Variants in TTLL3 observed in about 807,000 individuals in gnomAD.
The protein encoded by TTLL3 is tubulin tyrosine ligase like 3.
Under a neutral mutation model 75.2 loss-of-function variants are expected in TTLL3, and 63 were observed. That is an observed-to-expected ratio of 0.84 (90% CI 0.68 to 1.03). TTLL3 has a LOEUF of 1.03. Among genes scored for constraint, TTLL3 ranks in the 50% least tolerant of loss-of-function variants. The pLI is 0.00. For synonymous variants in TTLL3, 393 were observed against 418.5 expected (o/e 0.94, Z 0.74); for missense variants, 997 against 1,069.9 (o/e 0.93, Z 0.95).
At chr3:9,811,563 C>G (rs755962984) in intron 2 of TTLL3, among the ~76,000 whole-genome samples, 1 of 152,248 alleles carries the variant, frequency 6.6e-6, no homozygotes, top group African/African-American at 2.4e-5. Context: ...ATGACAGCCT[C>G]CTAGCTGGTC....
intron 8 of TTLL3, 107 bp from the exon 9 acceptor site, chr3:9,825,693 A>C: frequency 5.6e-6 from 9 of 1,601,816 alleles, no homozygotes; most frequent in Non-Finnish European, 7.7e-6. Context: ...GGGCGTGACC[A>C]AGGCTGCCTG....
intron 4 of TTLL3, among the ~76,000 whole-genome samples, chr3:9,814,900 G>T (rs748683892): frequency 6.6e-6 from 1 of 152,008 alleles, no homozygotes; most frequent in Non-Finnish European, 1.5e-5. Flanking sequence ...GGGCCCTTGG[G>T]TTTCCATCTT....
At chr3:9,815,603 G>A (rs2079771216) in intron 4 of TTLL3, among the ~76,000 whole-genome samples, 1 of 152,226 alleles carries the variant, frequency 6.6e-6, no homozygotes. Flanking sequence ...GATGACCATG[G>A]GCCAGAACAA....
chr3:9,834,493 T>C, intron 12 of TTLL3, 188 bp from the exon 13 acceptor site: 1 of 934,038 alleles, frequency 1.1e-6, no homozygotes, highest in Non-Finnish European at 1.7e-6. Flanking sequence ...ACAGCTGGGA[T>C]GCAGACCCAG....
chr3:9,830,947 T>G (rs1346598921), intron 11 of TTLL3, among the ~76,000 whole-genome samples: 3 of 152,060 alleles, frequency 2.0e-5, no homozygotes, highest in Non-Finnish European at 4.4e-5. Context: ...GGACTACAGG[T>G]GCCTGCCACC....
chr3:9,824,234 A>G (rs996721280), intron 8 of TTLL3, among the ~76,000 whole-genome samples: 3 of 152,194 alleles, frequency 2.0e-5, no homozygotes, highest in African/African-American at 7.2e-5. Context: ...GAAGTGCTTG[A>G]AAGGAATTAG....
At chr3:9,816,382 A>G (rs1337854611) in intron 5 of TTLL3, among the ~76,000 whole-genome samples, 180 bp downstream of exon 5, 1 of 152,190 alleles carries the variant, frequency 6.6e-6, no homozygotes, top group Admixed American at 6.5e-5. Context: ...CCTGCACCGT[A>G]TCCGGCATTT....
chr3:9,813,459 C>A, intron 4 of TTLL3, 114 bp downstream of exon 4: 1 of 1,226,430 alleles, frequency 8.2e-7, no homozygotes. Flanking sequence ...CACAGTTTCC[C>A]TATCTGTAGT....
At chr3:9,809,739 C>G (rs376399359), upstream of TTLL3, 7 of 334,192 alleles carry the variant, frequency 2.1e-5, no homozygotes, top group East Asian at 3.2e-4. Flanking sequence ...CTTCCGCCTT[C>G]AGTGCCCTGC....
At position 9,832,336 on chromosome 3, in the gene TTLL3, C is replaced by T. The variant is rs150278236; in HGVS notation, c.1684-768C>T. ...CTCTTGACCTCAAGTGATCTGCCAA[C>T]CTTAGCCTCCCAAAGCTCTGGGATT... On this transcript the variant is annotated intron_variant, in intron 11 of 13. Transcript: ENST00000685419. Among the ~76,000 whole-genome samples, 88 of 152,240 alleles carry T rather than the reference C, an allele frequency of 5.8e-4. No homozygotes were observed. In the East Asian group the frequency reaches 0.017, roughly 29 times the overall value.
At position 9,829,307 on chromosome 3, in the gene TTLL3, G is replaced by A. The variant is rs138074068; in HGVS notation, c.1595G>A (p.Gly532Asp). Residue 532 changes from glycine (G) to aspartate (D), a missense_variant, in exon 11 of 14, where the codon GGC (glycine) becomes GAC (aspartate). Coordinates refer to ENST00000685419, the MANE Select transcript of TTLL3 (RefSeq NM_001387446.1). ...STAVTARLCA[G>D]VQADTLRVVI... ...GCAGTCACTGCCCGGCTCTGTGCTG[G>A]CGTGCAAGCTGACACCCTGCGCGTG... 3.7e-6 allele frequency: 6 copies of A among 1,613,864 alleles called. No individual in the cohort carries two copies. The highest frequency in any genetic ancestry group is 1.7e-5 in the Admixed American group (1 of 60,000).
chr3:9,818,930 G>C lies in TTLL3; in HGVS notation c.658+10G>C, dbSNP rs2080148593. On this transcript the variant is annotated intron_variant, in intron 7 of 13. Transcript: ENST00000685419. ...GAGGAAGAGGCCTCAGGTAAGTACT[G>C]TGGTTACCTCCACTCTCCCACCCAT... The C allele has an allele frequency of 6.8e-6, 11 of 1,613,916 alleles. No homozygotes were observed. The highest frequency in any genetic ancestry group is 9.3e-6 in the Non-Finnish European group (11 of 1,179,878).
chr3:9,819,120 C>G (rs766021888), intron 7 of TTLL3, 200 bp downstream of exon 7: 3 of 664,392 alleles, frequency 4.5e-6, no homozygotes, highest in Non-Finnish European at 7.6e-6. Context: ...TTCACCCACT[C>G]TCTGATCTAC....
chr3:9,809,794 G>A (rs2079175941), upstream of TTLL3: 1 of 384,284 alleles, frequency 2.6e-6, no homozygotes, highest in Non-Finnish European at 4.6e-6. Context: ...GGAAGCCCTC[G>A]CTCGACTGCC....
chr3:9,811,920 C>T (rs1339664996), intron 2 of TTLL3, among the ~76,000 whole-genome samples: 2 of 152,234 alleles, frequency 1.3e-5, no homozygotes, highest in African/African-American at 4.8e-5. Context: ...TAAGTAGTTT[C>T]TCTGGATCCC....
intron 7 of TTLL3, 137 bp from the exon 8 acceptor site, chr3:9,820,409 C>G: frequency 2.6e-6 from 4 of 1,523,210 alleles, no homozygotes; most frequent in Non-Finnish European, 2.6e-6. Context: ...AGTGACACAT[C>G]CCAGGGCAGT....
rs774097446 is a variant in TTLL3, at chr3:9,825,949, G to A, written c.1003+1G>A. ...CCAGGAGCCAAGTCCCGCGGACGAGGTGGGGGTCAGCTCCTGCTTCCTGCA... is the reference window on the plus strand; with the variant it reads ...CCAGGAGCCAAGTCCCGCGGACGAGATGGGGGTCAGCTCCTGCTTCCTGCA... On this transcript the variant is annotated splice_donor_variant, in intron 9 of 13. Transcript: ENST00000685419. LOFTEE classifies it high-confidence loss of function. The A allele has an allele frequency of 4.3e-6, 7 of 1,612,390 alleles. No homozygotes were observed. Among genetic ancestry groups the A allele is most frequent in the African/African-American group, 2.7e-5 (2 of 75,034 alleles).
intron 9 of TTLL3, 41 bp from the exon 10 acceptor site, chr3:9,826,956 C>T (rs774405451): frequency 4.1e-5 from 66 of 1,612,520 alleles, no homozygotes; most frequent in Non-Finnish European, 5.5e-5. Flanking sequence ...TCCTGGCCCA[C>T]GCCTGACCTT....
At chr3:9,825,337 CA>C (rs34409771) in intron 8 of TTLL3, 4,581 of 120,678 alleles carry the variant, frequency 0.038, 15 homozygotes, top group South Asian at 0.12. Flanking sequence ...GACCCTGTCT[CA>C]AAAAAAAAAA....
Sources: gnomAD v4.1 joint callset for allele counts (sites outside exome capture counted in the v4.1 genomes callset) on GRCh38, gnomAD v4.1.1 for gene constraint, MANE v1.5 for transcripts, NCBI Gene and HGNC (gene_info 2026-07-23, HGNC 2026-07-21) for gene names.